Variants in CNKSR3 observed in about 807,000 individuals in gnomAD.
The protein encoded by CNKSR3 is CNKSR family member 3.
Under a neutral mutation model 67.7 loss-of-function variants are expected in CNKSR3, and 36 were observed. The ratio of observed to expected loss-of-function variants is 0.53; its 90% CI spans 0.41 to 0.70. The LOEUF (loss-of-function observed/expected upper bound fraction) is 0.70. CNKSR3 is among the 30% of genes least tolerant of loss of function. The probability of loss-of-function intolerance (pLI) is 0.00; values close to 1 mark genes in which losing one functional copy is unlikely to be tolerated. For missense variants in CNKSR3, 630 were observed against 695.2 expected, an observed-to-expected ratio of 0.91 and a Z score of 1.05; for synonymous variants, 281 against 271.4, an observed-to-expected ratio of 1.04 and a Z score of -0.35.
chr6:154,424,226 G>A (rs1203328140), intron 7 of CNKSR3, among the ~76,000 whole-genome samples: 2 of 120,884 alleles, frequency 1.7e-5, no homozygotes, highest in Admixed American at 9.1e-5. Flanking sequence ...GCGAGACTCC[G>A]TCTCAAAAAA....
Position 154,450,804 on chromosome 6 carries a change from TCTTA to T in CNKSR3, c.53-550_53-547del, listed in dbSNP as rs1365495806. On this transcript the variant is annotated intron_variant, in intron 1 of 12. Coordinates refer to ENST00000607772, the MANE Select transcript of CNKSR3 (RefSeq NM_173515.4). ...TGGACACAAGAACTGAGAAGCTCTTTCTTACTTTCCAATCAGAAGTCAAAAGATA... is the reference window on the plus strand; with the variant it reads ...TGGACACAAGAACTGAGAAGCTCTTTCTTTCCAATCAGAAGTCAAAAGATA... Among the ~76,000 whole-genome samples the T allele has an allele frequency of 3.3e-5, 5 of 152,290 alleles. No individual in the cohort carries two copies. In the East Asian group the frequency reaches 9.6e-4, roughly 29 times the overall value.
At chr6:154,476,308 T>C (rs113564471) in intron 1 of CNKSR3, among the ~76,000 whole-genome samples, 2 of 151,994 alleles carry the variant, frequency 1.3e-5, no homozygotes, top group African/African-American at 4.8e-5. Flanking sequence ...AACACAAAAA[T>C]TAGCTGTGCG....
intron 1 of CNKSR3, among the ~76,000 whole-genome samples, chr6:154,480,665 G>GT (rs1338107390): frequency 2.6e-5 from 4 of 152,164 alleles, no homozygotes; most frequent in Non-Finnish European, 2.9e-5. Context: ...TATCAAAGAA[G>GT]TGACACTACT....
At chr6:154,480,430 C>T (rs925348702) in intron 1 of CNKSR3, among the ~76,000 whole-genome samples, 3 of 152,196 alleles carry the variant, frequency 2.0e-5, no homozygotes, top group African/African-American at 7.2e-5. Flanking sequence ...GCAGGTGGGG[C>T]ACCTGTTCTG....
chr6:154,481,714 G>C (rs1786571509), intron 1 of CNKSR3, among the ~76,000 whole-genome samples: 1 of 152,154 alleles, frequency 6.6e-6, no homozygotes, highest in Non-Finnish European at 1.5e-5. Context: ...CATCTTCAGA[G>C]CACTGAAAAA....
chr6:154,486,577 C>T (rs987827870), intron 1 of CNKSR3, among the ~76,000 whole-genome samples: 3 of 149,380 alleles, frequency 2.0e-5, no homozygotes, highest in African/African-American at 7.7e-5. Context: ...ACTACAACCT[C>T]CCCCTCCTGG....
chr6:154,504,098 G>A (rs1787049167), intron 1 of CNKSR3, among the ~76,000 whole-genome samples: 1 of 152,114 alleles, frequency 6.6e-6, no homozygotes, highest in Non-Finnish European at 1.5e-5. Context: ...ACCAGACAGG[G>A]GCCAACAGTT....
At chr6:154,437,884 T>G (rs1236189744) in intron 4 of CNKSR3, among the ~76,000 whole-genome samples, 1 of 152,222 alleles carries the variant, frequency 6.6e-6, no homozygotes, top group African/African-American at 2.4e-5. Context: ...ATAAGGGCAG[T>G]ATATTTGTCC....
At position 154,470,970 on chromosome 6, in the gene CNKSR3, C is replaced by T. The variant is rs144337308; in HGVS notation, c.53-20712G>A. On this transcript the variant is annotated intron_variant, in intron 1 of 12. Transcript: ENST00000607772. ...TTATCATCCATCGTTTTTAGTATAG[C>T]CATAATAGTGGGTAAGAAGTAGTGT... is the stretch of plus-strand genomic sequence containing the variant. 5.0e-3 allele frequency among the ~76,000 whole-genome samples: 763 copies of T among 152,196 alleles called. 4 individuals carry two copies. The highest frequency in any genetic ancestry group is 0.017 in the African/African-American group (722 of 41,532).
intron 6 of CNKSR3, among the ~76,000 whole-genome samples, chr6:154,429,692 C>CATTA (rs2128715275): frequency 6.6e-6 from 1 of 152,264 alleles, no homozygotes; most frequent in South Asian, 2.1e-4. Context: ...GCTACCTATA[C>CATTA]ATTAGATACT....
rs62433593 is a variant in CNKSR3 at position 154,405,505 on chromosome 6, A to C, written c.*849T>G. ...ATTAGCAAACTGTGTACAATTTTGA[A>C]GAAGTGTACACACCGTGCTGGAAGA... On this transcript the variant is annotated 3_prime_UTR_variant, in exon 13 of 13. Coordinates refer to ENST00000607772, the MANE Select transcript of CNKSR3 (RefSeq NM_173515.4). 4,740 of 152,458 alleles carry C rather than the reference A, an allele frequency of 0.031. 98 individuals are homozygous for C. Among genetic ancestry groups the C allele is most frequent in the Middle Eastern group, 0.1 (30 of 294 alleles). 9.4% of individuals were successfully genotyped at this position (152,458 alleles called of 1,614,324 possible).
chr6:154,507,863 G>A (rs903922107), intron 1 of CNKSR3, among the ~76,000 whole-genome samples: 3 of 152,140 alleles, frequency 2.0e-5, no homozygotes, highest in East Asian at 3.8e-4. Context: ...TAACAAAAAC[G>A]TTTTAATCTA....
intron 2 of CNKSR3, 84 bp from the exon 3 acceptor site, chr6:154,442,374 G>C (rs1432486324): frequency 2.5e-6 from 3 of 1,188,906 alleles, no homozygotes; most frequent in Admixed American, 1.8e-5. Context: ...TGTAATCCTA[G>C]CACTTTGGGA....
intron 9 of CNKSR3, among the ~76,000 whole-genome samples, chr6:154,419,725 T>A (rs2128713333): frequency 6.6e-6 from 1 of 152,076 alleles, no homozygotes; most frequent in South Asian, 2.1e-4. Context: ...CATCAACAGA[T>A]GAATGGATAA....
At chr6:154,424,395 T>C (rs1409832119) in intron 7 of CNKSR3, among the ~76,000 whole-genome samples, 1 of 152,236 alleles carries the variant, frequency 6.6e-6, no homozygotes, top group African/African-American at 2.4e-5. Flanking sequence ...AAGATAAACC[T>C]TGGATTTCAA....
intron 1 of CNKSR3, among the ~76,000 whole-genome samples, chr6:154,493,160 A>T (rs1341789137): frequency 6.6e-6 from 1 of 152,174 alleles, no homozygotes; most frequent in Non-Finnish European, 1.5e-5. Flanking sequence ...ATGCCTCAGG[A>T]ACACTGACCG....
rs183638663 is a variant in CNKSR3 at position 154,465,717 on chromosome 6, C to T, written c.53-15459G>A. 6.0e-3 allele frequency among the ~76,000 whole-genome samples: 920 copies of T among 152,300 alleles called. 2 individuals are homozygous for T. The highest frequency in any genetic ancestry group is 0.014 in the Middle Eastern group (4 of 294). The stretch of plus-strand genomic sequence containing the variant: ...CATTTAAGCTAACTTAGCTTACTGT[C>T]TGTGACTGCCATCAGAAATGTTCAT... On this transcript the variant is annotated intron_variant, in intron 1 of 12. Transcript: ENST00000607772.
At chr6:154,504,879 G>T (rs537785491) in intron 1 of CNKSR3, among the ~76,000 whole-genome samples, 4 of 151,630 alleles carry the variant, frequency 2.6e-5, no homozygotes, top group African/African-American at 9.7e-5. Context: ...TTTATAATGA[G>T]AGAGCCTAAA....
At chr6:154,423,696 A>C (rs1382307072) in intron 7 of CNKSR3, among the ~76,000 whole-genome samples, 2 of 152,262 alleles carry the variant, frequency 1.3e-5, no homozygotes, top group African/African-American at 4.8e-5. Flanking sequence ...TAAGTCTGTC[A>C]TCTCGTTTCC....
Sources: allele counts gnomAD v4.1 joint callset (sites outside exome capture counted in the v4.1 genomes callset), GRCh38; gene constraint gnomAD v4.1.1; transcripts MANE v1.5; gene names NCBI Gene and HGNC (gene_info 2026-07-23, HGNC 2026-07-21).